The following EIF4EBP1 variants were observed in gnomAD, a reference collection of about 807,000 sequenced individuals.
EIF4EBP1 encodes the protein eukaryotic translation initiation factor 4E-binding protein 1.
In EIF4EBP1, 5 loss-of-function variants were observed where a neutral mutation model predicts 9.2. The ratio of observed to expected loss-of-function variants is 0.54; its 90% CI spans 0.28 to 1.14. The LOEUF is 1.14. Among genes scored for constraint, EIF4EBP1 ranks in the 50% most tolerant of loss-of-function variants. The pLI is 0.09. For synonymous variants in EIF4EBP1, 62 were observed against 67.0 expected (o/e 0.93, Z 0.36); for missense variants, 139 against 169.6 (o/e 0.82, Z 1.00).
At position 38,057,148 on chromosome 8, in the gene EIF4EBP1, C is replaced by G; in HGVS notation, c.213C>G (p.Pro71=). The G allele has an allele frequency of 6.2e-7, 1 of 1,614,220 alleles. No individual in the cohort carries two copies. Among genetic ancestry groups the G allele is most frequent in the Non-Finnish European group, 8.5e-7 (1 of 1,180,040 alleles). ...GGAACTCACCTGTGACCAAAACACCCCCAAGGGATCTGCCCACCATTCCGG... is the reference window on the plus strand; with the variant it reads ...GGAACTCACCTGTGACCAAAACACCGCCAAGGGATCTGCCCACCATTCCGG... ...ECRNSPVTKT[P]PRDLPTIPGV... The change falls in exon 2 of 3, where the codon CCC becomes CCG. Residue 71 remains proline (P), a synonymous_variant. Transcript: ENST00000338825.
intron 2 of EIF4EBP1, among the ~76,000 whole-genome samples, chr8:38,059,265 T>C (rs1392617474): frequency 6.6e-6 from 1 of 152,000 alleles, no homozygotes; most frequent in Admixed American, 6.6e-5. Context: ...AGTGAATGAG[T>C]TCTCTCGAGA....
At chr8:38,031,369 G>C (rs1386758543) in intron 1 of EIF4EBP1, among the ~76,000 whole-genome samples, 1 of 152,136 alleles carries the variant, frequency 6.6e-6, no homozygotes, top group Non-Finnish European at 1.5e-5. Context: ...GAGGCACCGT[G>C]TGACCTCCCT....
chr8:38,049,946 C>G (rs980719373), intron 1 of EIF4EBP1, among the ~76,000 whole-genome samples: 3 of 148,882 alleles, frequency 2.0e-5, no homozygotes, highest in Non-Finnish European at 4.4e-5. Flanking sequence ...GAATGTTTCT[C>G]TGTCCCCAGG....
intron 1 of EIF4EBP1, 143 bp from the exon 2 acceptor site, chr8:38,056,938 T>G: frequency 1.3e-6 from 1 of 795,998 alleles, no homozygotes; most frequent in Non-Finnish European, 2.0e-6. Context: ...GCTGGGATTA[T>G]GGGCATGAGC....
At chr8:38,031,363 C>T (rs1484052793) in intron 1 of EIF4EBP1, among the ~76,000 whole-genome samples, 2 of 152,114 alleles carry the variant, frequency 1.3e-5, no homozygotes, top group Non-Finnish European at 2.9e-5. Context: ...GAGGAGGAGG[C>T]ACCGTGTGAC....
At chr8:38,038,674 T>C (rs1809335663) in intron 1 of EIF4EBP1, among the ~76,000 whole-genome samples, 1 of 149,820 alleles carries the variant, frequency 6.7e-6, no homozygotes, top group African/African-American at 2.5e-5. Flanking sequence ...AGCCTAGAAA[T>C]TGTACATTGA....
intron 1 of EIF4EBP1, among the ~76,000 whole-genome samples, chr8:38,034,346 C>G (rs1398730109): frequency 6.6e-6 from 1 of 152,112 alleles, no homozygotes; most frequent in Non-Finnish European, 1.5e-5. Flanking sequence ...CCTCACCTGG[C>G]CTCCAGTTTG....
chr8:38,032,138 G>A (rs181330815), intron 1 of EIF4EBP1, among the ~76,000 whole-genome samples: 2 of 152,196 alleles, frequency 1.3e-5, no homozygotes, highest in Non-Finnish European at 1.5e-5. Context: ...CCCTGAGGCC[G>A]GCCTGAAGGC....
chr8:38,036,111 T>C (rs1055569766), intron 1 of EIF4EBP1, among the ~76,000 whole-genome samples: 1 of 152,054 alleles, frequency 6.6e-6, no homozygotes, highest in African/African-American at 2.4e-5. Flanking sequence ...GTTCAAGCAA[T>C]TCTCCTGCCT....
chr8:38,059,375 G>A (rs1809638221), intron 2 of EIF4EBP1, among the ~76,000 whole-genome samples: 1 of 152,112 alleles, frequency 6.6e-6, no homozygotes. Context: ...CCACCATGAC[G>A]AAAAGCCCCC....
intron 1 of EIF4EBP1, among the ~76,000 whole-genome samples, chr8:38,049,854 A>G (rs1809495808): frequency 6.6e-6 from 1 of 151,240 alleles, no homozygotes; most frequent in Admixed American, 6.6e-5. Flanking sequence ...CTGCCATCCA[A>G]TATTGGACCC....
rs1421296687 is a variant in EIF4EBP1 at position 38,035,322 on chromosome 8, A to T, written c.145+4604A>T. The stretch of plus-strand genomic sequence containing the variant: ...AACCTACGCCTCCTGGGTTCAAGTG[A>T]TTCTCCTGCCTCAGCCTCCCAAGTA... On this transcript the variant is annotated intron_variant, in intron 1 of 2. Transcript: ENST00000338825. Among the ~76,000 whole-genome samples, 3 of 151,922 alleles carry T rather than the reference A, an allele frequency of 2.0e-5. No homozygotes were observed. In the East Asian group the frequency reaches 5.9e-4, roughly 30 times the overall value.
At chr8:38,046,678 C>T (rs1809452728) in intron 1 of EIF4EBP1, among the ~76,000 whole-genome samples, 1 of 152,178 alleles carries the variant, frequency 6.6e-6, no homozygotes, top group African/African-American at 2.4e-5. Context: ...ATGAAGTTGG[C>T]ACTACCATCA....
chr8:38,047,814 T>C (rs1262538207), intron 1 of EIF4EBP1, among the ~76,000 whole-genome samples: 1 of 152,158 alleles, frequency 6.6e-6, no homozygotes, highest in Non-Finnish European at 1.5e-5. Flanking sequence ...ATGAGGTTTT[T>C]TTTATTTCTG....
chr8:38,060,097 C>A lies in EIF4EBP1; in HGVS notation c.*162C>A. On this transcript the variant is annotated 3_prime_UTR_variant, in exon 3 of 3. Transcript: ENST00000338825. ...CCTCACTCAGGGCACCTGCCCCCTCCTCTTCGTGAACACCAGCAGATACCT... is the reference window on the plus strand; with the variant it reads ...CCTCACTCAGGGCACCTGCCCCCTCATCTTCGTGAACACCAGCAGATACCT... 1.4e-6 allele frequency: 1 copy of A among 705,366 alleles called. No homozygotes were observed. The highest frequency in any genetic ancestry group is 1.6e-5 in the South Asian group (1 of 64,432). The allele number at this position is 705,366 out of a possible 1,614,324, so 43.7% of individuals were successfully genotyped here.
chr8:38,037,861 C>T (rs1352997040), intron 1 of EIF4EBP1, among the ~76,000 whole-genome samples: 1 of 151,984 alleles, frequency 6.6e-6, no homozygotes, highest in Admixed American at 6.6e-5. Context: ...GCAGTCTCAA[C>T]CCCCTGAGCT....
intron 2 of EIF4EBP1, among the ~76,000 whole-genome samples, chr8:38,057,956 G>C (rs1029751400): frequency 2.0e-5 from 3 of 152,266 alleles, no homozygotes; most frequent in Non-Finnish European, 2.9e-5. Context: ...AAGCACTTCC[G>C]GGCAACTATA....
intron 1 of EIF4EBP1, among the ~76,000 whole-genome samples, chr8:38,041,034 A>G (rs1809371546): frequency 6.6e-6 from 1 of 152,088 alleles, no homozygotes. Context: ...TCCTGAGCTC[A>G]AGTGATCCGC....
At chr8:38,058,671 A>T (rs927008049) in intron 2 of EIF4EBP1, among the ~76,000 whole-genome samples, 12 of 152,196 alleles carry the variant, frequency 7.9e-5, no homozygotes, top group Non-Finnish European at 4.4e-5. Flanking sequence ...ATTTCATCTG[A>T]ATCAGACAAG....
Sources: gnomAD v4.1 joint callset for allele counts (sites outside exome capture counted in the v4.1 genomes callset) on GRCh38, gnomAD v4.1.1 for gene constraint, MANE v1.5 for transcripts, NCBI Gene and HGNC (gene_info 2026-07-23, HGNC 2026-07-21) for gene names.